Variants in MAP4 observed in about 807,000 individuals in gnomAD.
MAP4 encodes microtubule-associated protein 4.
MAP4 carries 76 observed loss-of-function variants against 170.2 expected under a neutral mutation model. The ratio of observed to expected loss-of-function variants is 0.45; its 90% CI spans 0.37 to 0.54. The LOEUF is 0.54. Among genes scored for constraint, MAP4 ranks in the 20% least tolerant of loss-of-function variants. MAP4 has a pLI of 0.00. For missense variants in MAP4, 2,506 were observed against 2,748.0 expected, an observed-to-expected ratio of 0.91 and a Z score of 1.97; for synonymous variants, 909 against 994.5, an observed-to-expected ratio of 0.91 and a Z score of 1.62.
At chr3:47,983,554 T>C (rs2100086701) in intron 2 of MAP4, among the ~76,000 whole-genome samples, 1 of 151,736 alleles carries the variant, frequency 6.6e-6, no homozygotes, top group Non-Finnish European at 1.5e-5. Flanking sequence ...GCCCGGCTAA[T>C]TTTTTGTATT....
At chr3:47,875,636 C>T (rs202201020) in intron 12 of MAP4, 49 bp downstream of exon 12, 1 of 1,502,764 alleles carries the variant, frequency 6.7e-7, no homozygotes, top group African/African-American at 1.4e-5. Flanking sequence ...CTATCTGACA[C>T]TCAGAGGGGA....
At chr3:48,031,698 C>G (rs777893990) in intron 1 of MAP4, among the ~76,000 whole-genome samples, 1 of 152,152 alleles carries the variant, frequency 6.6e-6, no homozygotes, top group Admixed American at 6.5e-5. Flanking sequence ...GCAACCCAGC[C>G]TGGGCAACAG....
At chr3:47,901,336 G>C (rs549745099) in intron 10 of MAP4, among the ~76,000 whole-genome samples, 10 of 152,172 alleles carry the variant, frequency 6.6e-5, no homozygotes, top group Non-Finnish European at 8.8e-5. Context: ...AATGTCACTT[G>C]GTATCTACTG....
intron 1 of MAP4, among the ~76,000 whole-genome samples, chr3:48,014,669 A>C (rs78603168): frequency 6.6e-6 from 1 of 151,970 alleles, no homozygotes; most frequent in African/African-American, 2.4e-5. Flanking sequence ...AAAAAAAAAA[A>C]GCAAGAACAG....
At chr3:47,898,670 G>A (rs2100028357) in intron 10 of MAP4, among the ~76,000 whole-genome samples, 1 of 152,156 alleles carries the variant, frequency 6.6e-6, no homozygotes, top group Non-Finnish European at 1.5e-5. Context: ...AGAAAGACTG[G>A]GCATAGTAGC....
At chr3:47,938,461 C>A (rs150139528) in intron 3 of MAP4, among the ~76,000 whole-genome samples, 333 of 152,334 alleles carry the variant, frequency 2.2e-3, no homozygotes, top group African/African-American at 7.8e-3. Flanking sequence ...GCGGCCTCAA[C>A]TTCCTGGGCT....
At chr3:48,024,110 G>A (rs1432782611) in intron 1 of MAP4, among the ~76,000 whole-genome samples, 3 of 152,186 alleles carry the variant, frequency 2.0e-5, no homozygotes, top group Non-Finnish European at 4.4e-5. Flanking sequence ...AAGAGATCGA[G>A]ACCATCCAGG....
rs1203823936 is a variant in MAP4 at position 47,912,072 on chromosome 3, T to C, written c.2349A>G (p.Pro783=). ...CATCATCCGAAGGTCCTCCAGCCCG[T>C]GGTTGAGAATATCTCTTTTGCTTTG... ...KKPKQKRYSQ[P]RAGGPSDDDN... is the part of the protein sequence containing the mutation. The change falls in exon 9 of 21, where the codon CCA becomes CCG. Residue 783 remains proline, a synonymous_variant. Coordinates refer to ENST00000683076, the MANE Select transcript of MAP4 (RefSeq NM_001385682.1). 2.6e-6 allele frequency: 4 copies of C among 1,536,048 alleles called. No homozygotes were observed. The highest frequency in any genetic ancestry group is 1.4e-5 in the African/African-American group (1 of 73,058).
chr3:47,877,021 A>ACAGGCATGCAT (rs1320858656), intron 11 of MAP4: 3 of 160,996 alleles, frequency 1.9e-5, no homozygotes, highest in African/African-American at 7.2e-5. Context: ...AGCTGGGATT[A>ACAGGCATGCAT]CAGGCATGCA....
At chr3:47,922,247 C>T (rs934971265) in intron 4 of MAP4, among the ~76,000 whole-genome samples, 1 of 152,134 alleles carries the variant, frequency 6.6e-6, no homozygotes, top group Non-Finnish European at 1.5e-5. Flanking sequence ...CCATGCCTGG[C>T]CAATATTTCT....
At chr3:48,045,984 C>CTTTTTTT (rs59624917) in intron 1 of MAP4, among the ~76,000 whole-genome samples, 1 of 130,848 alleles carries the variant, frequency 7.6e-6, no homozygotes. Flanking sequence ...TGCATCACTT[C>CTTTTTTT]TTTTTTTTTT....
At chr3:47,997,739 C>G (rs941312761) in intron 2 of MAP4, among the ~76,000 whole-genome samples, 2 of 148,716 alleles carry the variant, frequency 1.3e-5, no homozygotes, top group Admixed American at 1.3e-4. Flanking sequence ...AAGAAAGAAA[C>G]ATCACAAATT....
intron 1 of MAP4, among the ~76,000 whole-genome samples, chr3:48,060,402 A>G (rs1166611860): frequency 6.6e-6 from 1 of 152,192 alleles, no homozygotes; most frequent in Non-Finnish European, 1.5e-5. Flanking sequence ...TAAAACTCCT[A>G]GAGGATAACA....
Position 47,853,232 on chromosome 3 carries a change from G to A in MAP4, c.6817C>T (p.His2273Tyr), listed in dbSNP as rs145813357. 3 of 1,582,190 alleles carry A rather than the reference G, an allele frequency of 1.9e-6. No homozygotes were observed. The highest frequency in any genetic ancestry group is 2.3e-5 in the South Asian group (2 of 86,814). The change falls in exon 20 of 21, where the codon CAC (histidine) becomes TAC (tyrosine). Residue 2273 changes from histidine (H) to tyrosine (Y), a missense_variant. Transcript: ENST00000683076. ...TCACCACCCCCTGACAGGGTGGGGTGGCCATTGAGGCCACTGGCTGAAGTG... is the reference window on the plus strand; with the variant it reads ...TCACCACCCCCTGACAGGGTGGGGTAGCCATTGAGGCCACTGGCTGAAGTG... ...APTSASGLNGHPTLSGGGDQR... is the reference protein window; with the variant it reads ...APTSASGLNGYPTLSGGGDQR...
At chr3:48,084,279 T>C (rs563872113) in intron 1 of MAP4, among the ~76,000 whole-genome samples, 1 of 149,024 alleles carries the variant, frequency 6.7e-6, no homozygotes, top group African/African-American at 2.5e-5. Flanking sequence ...ACATACACAG[T>C]CTGAACTACT....
intron 1 of MAP4, among the ~76,000 whole-genome samples, chr3:48,043,921 C>T (rs2100122979): frequency 6.6e-6 from 1 of 152,146 alleles, no homozygotes; most frequent in Non-Finnish European, 1.5e-5. Flanking sequence ...CCTTGGCTCA[C>T]TGCAATCTCC....
chr3:48,028,089 T>TAA (rs766932467), intron 1 of MAP4, among the ~76,000 whole-genome samples: 3 of 151,936 alleles, frequency 2.0e-5, no homozygotes, highest in Non-Finnish European at 4.4e-5. Context: ...GCCAGGAGTT[T>TAA]GAGATCAGCC....
chr3:47,867,006 C>G (rs556716717), intron 17 of MAP4, among the ~76,000 whole-genome samples: 1 of 152,266 alleles, frequency 6.6e-6, no homozygotes, highest in African/African-American at 2.4e-5. Flanking sequence ...CCAAAGCCTC[C>G]CACCCATATG....
At chr3:47,880,259 A>AT (rs35700801) in intron 10 of MAP4, among the ~76,000 whole-genome samples, 3,808 of 106,306 alleles carry the variant, frequency 0.036, 98 homozygotes, top group African/African-American at 0.065. Flanking sequence ...CACCTGGCTA[A>AT]TTTTTTTTTT....
Sources: allele counts gnomAD v4.1 joint callset (sites outside exome capture counted in the v4.1 genomes callset), GRCh38; gene constraint gnomAD v4.1.1; transcripts MANE v1.5; gene names NCBI Gene and HGNC (gene_info 2026-07-23, HGNC 2026-07-21).